Variants in CNGB3 observed in about 807,000 individuals in gnomAD.
CNGB3 encodes cyclic nucleotide-gated channel beta-3.
In CNGB3, 86 loss-of-function variants were observed where a neutral mutation model predicts 92.8. That is an observed-to-expected ratio of 0.93 (90% confidence interval 0.78 to 1.11). CNGB3 has a LOEUF of 1.11. CNGB3 is among the 50% of genes least tolerant of loss of function. The pLI is 0.00. For missense variants in CNGB3, 1,026 were observed against 956.8 expected (o/e 1.07, Z -0.95); for synonymous variants, 333 against 332.7 (o/e 1.00, Z -0.01).
intron 13 of CNGB3, among the ~76,000 whole-genome samples, chr8:86,619,196 C>T (rs1050217291): frequency 2.0e-5 from 3 of 152,188 alleles, no homozygotes; most frequent in Non-Finnish European, 4.4e-5. Flanking sequence ...GGTGGCGCAA[C>T]AGAACTTTTA....
chr8:86,627,138 A>G (rs56254697), intron 12 of CNGB3, among the ~76,000 whole-genome samples: 6,576 of 152,152 alleles, frequency 0.043, 196 homozygotes, highest in East Asian at 0.07. Flanking sequence ...TTTAGAAAAG[A>G]GAGAAATTGC....
At chr8:86,580,079 G>A (rs1821732919) in intron 15 of CNGB3, among the ~76,000 whole-genome samples, 1 of 151,976 alleles carries the variant, frequency 6.6e-6, no homozygotes. Flanking sequence ...GAAGGCAATT[G>A]GGAAGCAAGG....
intron 3 of CNGB3, among the ~76,000 whole-genome samples, chr8:86,689,021 C>G (rs1824245700): frequency 1.4e-5 from 2 of 148,080 alleles, no homozygotes; most frequent in African/African-American, 5.0e-5. Context: ...TTTTTAAATT[C>G]TTTTTTTTTT....
intron 3 of CNGB3, among the ~76,000 whole-genome samples, chr8:86,713,609 A>T (rs1033034924): frequency 4.7e-4 from 71 of 152,286 alleles, no homozygotes; most frequent in Non-Finnish European, 1.0e-4. Context: ...ATGAGTGTGG[A>T]ATTACCAATT....
chr8:86,677,983 T>G (rs1824008157), intron 3 of CNGB3, among the ~76,000 whole-genome samples: 3 of 152,226 alleles, frequency 2.0e-5, no homozygotes, highest in African/African-American at 7.2e-5. Flanking sequence ...TTAATTCATT[T>G]TTCAGCGACT....
intron 6 of CNGB3, chr8:86,660,249 T>C (rs774180139): frequency 6.5e-6 from 2 of 307,994 alleles, no homozygotes; most frequent in Non-Finnish European, 1.3e-5. Context: ...CAATGTTTTC[T>C]TGGCCACAGC....
At chr8:86,701,312 T>G (rs530373237) in intron 3 of CNGB3, among the ~76,000 whole-genome samples, 39 of 152,312 alleles carry the variant, frequency 2.6e-4, no homozygotes, top group African/African-American at 8.9e-4. Context: ...GCAAAATATG[T>G]CAACATTGGT....
chr8:86,692,345 C>T (rs778907516), intron 3 of CNGB3, among the ~76,000 whole-genome samples: 3 of 152,074 alleles, frequency 2.0e-5, no homozygotes, highest in Admixed American at 6.5e-5. Context: ...CCACTAATAT[C>T]GTGTTGCCAT....
intron 13 of CNGB3, among the ~76,000 whole-genome samples, chr8:86,622,097 T>C (rs72692234): frequency 0.055 from 8,417 of 152,288 alleles, 303 homozygotes; most frequent in Non-Finnish European, 0.084. Flanking sequence ...TCCAAGTTGC[T>C]GCAAATGCCA....
intron 15 of CNGB3, among the ~76,000 whole-genome samples, chr8:86,582,894 C>A (rs1363282810): frequency 6.6e-6 from 1 of 151,696 alleles, no homozygotes; most frequent in African/African-American, 2.4e-5. Flanking sequence ...AAAGGAAGGA[C>A]ATTTAAAAAG....
chr8:86,590,249 G>T lies in CNGB3; in HGVS notation c.1782-10997C>A, dbSNP rs542337438. On this transcript the variant is annotated intron_variant, in intron 15 of 17. Coordinates refer to ENST00000320005, the MANE Select transcript of CNGB3 (RefSeq NM_019098.5). ...TATGTGTGTCTCTGCATGTGAGATGGGTTTCCTGAATACAGCACACTGATG... is the reference window on the plus strand; with the variant it reads ...TATGTGTGTCTCTGCATGTGAGATGTGTTTCCTGAATACAGCACACTGATG... Among the ~76,000 whole-genome samples, 308 of 151,906 alleles carry T rather than the reference G, an allele frequency of 2.0e-3. 1 individual carries two copies. Among genetic ancestry groups the T allele is most frequent in the African/African-American group, 7.2e-3 (298 of 41,424 alleles).
intron 15 of CNGB3, among the ~76,000 whole-genome samples, chr8:86,584,240 G>A (rs1005273644): frequency 4.6e-5 from 7 of 152,138 alleles, no homozygotes; most frequent in African/African-American, 9.6e-5. Context: ...TGAAATTGAC[G>A]TTAATATTTG....
intron 2 of CNGB3, among the ~76,000 whole-genome samples, chr8:86,735,706 G>C (rs1279198764): frequency 6.6e-6 from 1 of 152,136 alleles, no homozygotes; most frequent in Non-Finnish European, 1.5e-5. Flanking sequence ...AGGACCCCTT[G>C]ATTACATTGG....
At chr8:86,601,534 T>G (rs1176498637) in intron 15 of CNGB3, among the ~76,000 whole-genome samples, 1 of 151,988 alleles carries the variant, frequency 6.6e-6, no homozygotes, top group African/African-American at 2.4e-5. Flanking sequence ...TTTTTTTTCC[T>G]GAGGAAAAAG....
chr8:86,639,653 A>C (rs1314889703), intron 10 of CNGB3, among the ~76,000 whole-genome samples: 3 of 152,124 alleles, frequency 2.0e-5, no homozygotes, highest in Non-Finnish European at 4.4e-5. Flanking sequence ...TTGGCTTACA[A>C]GATCAAAGGG....
intron 15 of CNGB3, among the ~76,000 whole-genome samples, chr8:86,590,121 T>G (rs369876266): frequency 3.6e-4 from 54 of 152,094 alleles, no homozygotes; most frequent in East Asian, 9.6e-4. Context: ...TTTGATCTTT[T>G]TTGGTTTCAA....
At chr8:86,585,205 A>G (rs1437995576) in intron 15 of CNGB3, among the ~76,000 whole-genome samples, 1 of 152,224 alleles carries the variant, frequency 6.6e-6, no homozygotes, top group Non-Finnish European at 1.5e-5. Context: ...TGCAAAACTC[A>G]GTAAATGTGA....
In CNGB3 at chr8:86,598,876, C is replaced by G. The variant is rs373382435; in HGVS notation, c.1781+5217G>C. Among the ~76,000 whole-genome samples the G allele has an allele frequency of 1.4e-4, 21 of 152,184 alleles. No individual in the cohort carries two copies. In the East Asian group the frequency reaches 3.3e-3, roughly 24 times the overall value. On this transcript the variant is annotated intron_variant, in intron 15 of 17. Transcript: ENST00000320005. The stretch of plus-strand genomic sequence containing the variant: ...AATTACATCTGCAAAGACCCTGACC[C>G]TTTTTTTCAAGTTAGGTCACATACA...
chr8:86,734,621 A>G (rs1033839856), intron 2 of CNGB3, among the ~76,000 whole-genome samples: 3 of 152,206 alleles, frequency 2.0e-5, no homozygotes, highest in African/African-American at 7.2e-5. Flanking sequence ...TGATTTAAGA[A>G]AGGGAATATT....
Sources: gnomAD v4.1 joint callset for allele counts (sites outside exome capture counted in the v4.1 genomes callset) on GRCh38, gnomAD v4.1.1 for gene constraint, MANE v1.5 for transcripts, NCBI Gene and HGNC (gene_info 2026-07-23, HGNC 2026-07-21) for gene names.